Variants in KCNMA1 observed in about 807,000 individuals in gnomAD.
The protein encoded by KCNMA1 is Calcium-activated potassium channel subunit alpha-1.
Under a neutral mutation model 140.0 loss-of-function variants are expected in KCNMA1, and 29 were observed. The ratio of observed to expected loss-of-function variants is 0.21; its 90% CI spans 0.15 to 0.28. The LOEUF (loss-of-function observed/expected upper bound fraction) is 0.28. Among genes scored for constraint, KCNMA1 ranks in the 10% least tolerant of loss-of-function variants. The pLI is 1.00. For missense variants in KCNMA1, 880 were observed against 1,602.2 expected (o/e 0.55, Z 7.70); for synonymous variants, 612 against 611.9 (o/e 1.00, Z 0.00).
chr10:77,426,666 C>T (rs1386001237), intron 1 of KCNMA1, among the ~76,000 whole-genome samples: 1 of 152,168 alleles, frequency 6.6e-6, no homozygotes, highest in African/African-American at 2.4e-5. Flanking sequence ...GTAGGGGCCT[C>T]CCCTATAACA....
In KCNMA1 at chr10:77,445,331, T is replaced by TTC. The variant is rs140684615; in HGVS notation, c.379-41310_379-41309dup. Among the ~76,000 whole-genome samples the TTC allele has an allele frequency of 6.8e-3, 1,016 of 148,338 alleles. 11 individuals carry two copies. The highest frequency in any genetic ancestry group is 0.052 in the Middle Eastern group (15 of 290). On this transcript the variant is annotated intron_variant, in intron 1 of 27. Coordinates refer to ENST00000286628, the MANE Select transcript of KCNMA1 (RefSeq NM_001161352.2). ...TCCATCCACCTCTGCATCGTCCATA[T>TTC]TCTCTCTCTCTCTCTCTCACACGCA...
intron 16 of KCNMA1, among the ~76,000 whole-genome samples, chr10:77,027,000 T>C (rs910218116): frequency 6.6e-6 from 1 of 152,202 alleles, no homozygotes; most frequent in African/African-American, 2.4e-5. Flanking sequence ...TATAGAGGAA[T>C]AGACTGTGGG....
intron 16 of KCNMA1, 68 bp downstream of exon 16, chr10:77,027,755 C>T (rs554217694): frequency 4.0e-6 from 5 of 1,250,118 alleles, no homozygotes; most frequent in East Asian, 4.6e-5. Context: ...AGAAGTGAAC[C>T]GACCGTTCTC....
At chr10:77,105,913 C>T (rs1360625264) in intron 9 of KCNMA1, among the ~76,000 whole-genome samples, 1 of 152,182 alleles carries the variant, frequency 6.6e-6, no homozygotes, top group African/African-American at 2.4e-5. Flanking sequence ...TTGATTCTGA[C>T]AGCCCATTCT....
chr10:77,355,714 G>A (rs1283232456), intron 2 of KCNMA1, among the ~76,000 whole-genome samples: 3 of 152,190 alleles, frequency 2.0e-5, no homozygotes, highest in Admixed American at 2.0e-4. Context: ...CTAATTCTGT[G>A]CTTTTCAATT....
chr10:77,005,970 G>A (rs374510335), intron 18 of KCNMA1, among the ~76,000 whole-genome samples: 14 of 152,316 alleles, frequency 9.2e-5, no homozygotes, highest in Admixed American at 2.6e-4. Flanking sequence ...TGGTGAAGAT[G>A]CAGCTCAGTT....
intron 23 of KCNMA1, among the ~76,000 whole-genome samples, chr10:76,923,174 T>C (rs941449810): frequency 2.0e-5 from 3 of 152,176 alleles, no homozygotes; most frequent in African/African-American, 7.2e-5. Context: ...AACTTCTCTA[T>C]AGTTATTTGC....
chr10:77,543,628 C>A (rs558384438), intron 1 of KCNMA1, among the ~76,000 whole-genome samples: 1 of 152,082 alleles, frequency 6.6e-6, no homozygotes, highest in Non-Finnish European at 1.5e-5. Context: ...GAAAAGTTAG[C>A]AGGTCAAAGA....
At chr10:77,508,464 C>A (rs898617248) in intron 1 of KCNMA1, among the ~76,000 whole-genome samples, 1 of 151,534 alleles carries the variant, frequency 6.6e-6, no homozygotes, top group Non-Finnish European at 1.5e-5. Flanking sequence ...GGATTAGAGG[C>A]GCGAGTCCCC....
At chr10:77,141,052 A>C (rs969357642) in intron 5 of KCNMA1, among the ~76,000 whole-genome samples, 4 of 152,030 alleles carry the variant, frequency 2.6e-5, no homozygotes, top group Non-Finnish European at 5.9e-5. Context: ...AAGAAAGAAA[A>C]ACTGAATTGT....
At chr10:77,343,398 G>C (rs2091435747) in intron 2 of KCNMA1, among the ~76,000 whole-genome samples, 1 of 152,168 alleles carries the variant, frequency 6.6e-6, no homozygotes, top group Non-Finnish European at 1.5e-5. Context: ...CACACAGGTG[G>C]GAAGTTGTGT....
intron 2 of KCNMA1, among the ~76,000 whole-genome samples, chr10:77,367,925 A>AT (rs749219072): frequency 2.0e-5 from 3 of 152,238 alleles, no homozygotes; most frequent in Non-Finnish European, 4.4e-5. Flanking sequence ...GTAAGGATGT[A>AT]TCACAGTTGT....
chr10:76,955,994 C>T (rs1206749667), intron 20 of KCNMA1, among the ~76,000 whole-genome samples: 1 of 152,150 alleles, frequency 6.6e-6, no homozygotes, highest in Non-Finnish European at 1.5e-5. Context: ...TGAGACCTGC[C>T]CCTAGTGCAT....
intron 1 of KCNMA1, among the ~76,000 whole-genome samples, chr10:77,507,656 T>G (rs189944496): frequency 2.2e-4 from 34 of 152,316 alleles, no homozygotes; most frequent in Non-Finnish European, 1.2e-4. Flanking sequence ...CTCCAAGATC[T>G]GAAGGGACCA....
chr10:77,478,268 G>A (rs753644167), intron 1 of KCNMA1, among the ~76,000 whole-genome samples: 38 of 152,304 alleles, frequency 2.5e-4, no homozygotes, highest in Non-Finnish European at 5.1e-4. Flanking sequence ...TTATGTCTGT[G>A]TTAATTCCCA....
At chr10:77,070,454 G>A (rs928334052) in intron 14 of KCNMA1, among the ~76,000 whole-genome samples, 1 of 152,198 alleles carries the variant, frequency 6.6e-6, no homozygotes, top group African/African-American at 2.4e-5. Context: ...CGGCCTAGGG[G>A]AAGGGAGAGG....
At chr10:77,034,498 C>T (rs12411341) in intron 15 of KCNMA1, among the ~76,000 whole-genome samples, 3,615 of 152,248 alleles carry the variant, frequency 0.024, 202 homozygotes, top group East Asian at 0.21. Flanking sequence ...TTTCCCCAAG[C>T]GGCTTCTTTT....
At position 77,460,118 on chromosome 10, in the gene KCNMA1, G is replaced by A. The variant is rs545918599; in HGVS notation, c.379-56095C>T. Among the ~76,000 whole-genome samples, 3 of 152,300 alleles carry A rather than the reference G, an allele frequency of 2.0e-5. No homozygotes were observed. In the East Asian group the frequency reaches 5.8e-4, roughly 29 times the overall value. On this transcript the variant is annotated intron_variant, in intron 1 of 27. Coordinates refer to ENST00000286628, the MANE Select transcript of KCNMA1 (RefSeq NM_001161352.2). ...CAATAAAACTTTATTTATAAAATCA[G>A]GTAGTGAGCCAGATTTGCCCTGCAG...
At chr10:77,481,591 A>G (rs35788) in intron 1 of KCNMA1, among the ~76,000 whole-genome samples, 82,923 of 151,668 alleles carry the variant, frequency 0.55, 22,889 homozygotes, top group East Asian at 0.79. Context: ...TGGTGAACAC[A>G]GTGAAAGCCC....
Sources: allele counts gnomAD v4.1 joint callset (sites outside exome capture counted in the v4.1 genomes callset), GRCh38; gene constraint gnomAD v4.1.1; transcripts MANE v1.5; gene names NCBI Gene and HGNC (gene_info 2026-07-23, HGNC 2026-07-21).